Variants in NEB observed in about 807,000 individuals in gnomAD.
NEB encodes nemaline myopathy type 2.
A neutral mutation model predicts 952.2 loss-of-function variants in NEB; 512 were observed. The ratio of observed to expected loss-of-function variants is 0.54; its 90% CI spans 0.50 to 0.58. The LOEUF (loss-of-function observed/expected upper bound fraction) is 0.58, where lower values mean the gene tolerates loss of function less well. Among genes scored for constraint, NEB ranks in the 20% least tolerant of loss-of-function variants. The pLI is 0.00. For missense variants in NEB, 8,428 were observed against 9,231.1 expected (o/e 0.91, Z 3.56); for synonymous variants, 2,900 against 3,149.8 (o/e 0.92, Z 2.66).
intron 77 of NEB, among the ~76,000 whole-genome samples, chr2:151,613,739 C>CT (rs1387040881): frequency 2.0e-5 from 3 of 152,114 alleles, no homozygotes; most frequent in Non-Finnish European, 4.4e-5. Context: ...GATCCAGGTG[C>CT]TTAAAAGTGT....
At chr2:151,696,880 G>T in intron 16 of NEB, 145 bp from the exon 17 acceptor site, 1 of 656,966 alleles carries the variant, frequency 1.5e-6, no homozygotes, top group Non-Finnish European at 2.6e-6. Flanking sequence ...CTAGACTGTA[G>T]TTTGAGAGGT....
In NEB at chr2:151,519,001, C is replaced by G. The variant is rs1472193817; in HGVS notation, c.22659G>C (p.Met7553Ile). 1 of 1,613,654 alleles carries G rather than the reference C, an allele frequency of 6.2e-7. No individual in the cohort carries two copies. The highest frequency in any genetic ancestry group is 1.7e-5 in the Admixed American group (1 of 59,992). Residue 7553 changes from methionine to isoleucine, a missense_variant, in exon 155 of 182, where the codon ATG (methionine) becomes ATC (isoleucine). This residue lies in a region of NEB where 3,374 missense variants were observed against 3,651.5 expected (regional missense o/e 0.92). Coordinates refer to ENST00000397345, the MANE Select transcript of NEB (RefSeq NM_001164508.2). ...PVTDMKESLI[M>I]NHVLNTSQLA... Reference sequence around the variant, plus strand: ...GTTGGCTTGTATTCAGGACATGATTCATGATCAGAGACTCCTTCATGTCAG... The same window carrying G: ...GTTGGCTTGTATTCAGGACATGATTGATGATCAGAGACTCCTTCATGTCAG...
chr2:151,680,122 G>T, intron 30 of NEB, 100 bp from the exon 31 acceptor site: 2 of 879,056 alleles, frequency 2.3e-6, no homozygotes, highest in Non-Finnish European at 1.8e-6. Flanking sequence ...CACAGAGGTG[G>T]TTTTAGGAAG....
At position 151,633,792 on chromosome 2, in the gene NEB, C is replaced by T. The variant is rs2098711087; in HGVS notation, c.9276G>A (p.Met3092Ile). ...ACTTCTTGGCCAGCACCACCCCCAG[C>T]ATGTCCACTGGGCTGCTGAACTTGG... ...WKTKFSSPVD[M>I]LGVVLAKKCQ... Residue 3092 changes from methionine to isoleucine, a missense_variant, in exon 65 of 182, where the codon ATG becomes ATA. Met to Ile is a conservative substitution (Grantham distance 10). Transcript: ENST00000397345. 1 of 1,613,954 alleles carries T rather than the reference C, an allele frequency of 6.2e-7. No homozygotes were observed. The highest frequency in any genetic ancestry group is 1.3e-5 in the African/African-American group (1 of 75,042).
chr2:151,503,557 A>G, intron 165 of NEB, 116 bp from the exon 166 acceptor site: 1 of 655,038 alleles, frequency 1.5e-6, no homozygotes, highest in South Asian at 1.9e-5. Flanking sequence ...TCTCAAATAT[A>G]ACATTCAAGG....
intron 13 of NEB, among the ~76,000 whole-genome samples, chr2:151,704,689 A>G (rs944796908): frequency 5.3e-5 from 8 of 152,146 alleles, no homozygotes; most frequent in African/African-American, 1.9e-4. Flanking sequence ...GCGCTTCCCA[A>G]GTGAGGCAAT....
In NEB at chr2:151,562,213, T is replaced by C. The variant is rs781054657; in HGVS notation, c.18893A>G (p.Asn6298Ser). The C allele has an allele frequency of 6.2e-7, 1 of 1,604,838 alleles. No individual in the cohort carries two copies. The highest frequency in any genetic ancestry group is 8.5e-7 in the Non-Finnish European group (1 of 1,171,664). Residue 6298 changes from asparagine (N) to serine (S), a missense_variant and splice_region_variant, in exon 121 of 182, where the codon AAT becomes AGT. By Grantham distance (46) the Asn-to-Ser change is conservative. Around this residue, in one of 11 missense-constraint regions of NEB, gnomAD observed 3,374 missense variants for 3,651.5 expected, o/e 0.92. Coordinates refer to ENST00000397345, the MANE Select transcript of NEB (RefSeq NM_001164508.2). ...CCAATTCAGGTCATCTTTATACACA[T>C]TCTGCAAGAAAGAGAGAACAATGAA... is the stretch of plus-strand genomic sequence containing the variant. Reference protein sequence around the residue: ...VRNAQEILSDNVYKDDLNWLK... With the variant: ...VRNAQEILSDSVYKDDLNWLK...
intron 105 of NEB, among the ~76,000 whole-genome samples, chr2:151,577,375 A>T (rs1237963224): frequency 6.6e-6 from 1 of 152,100 alleles, no homozygotes; most frequent in East Asian, 1.9e-4. Flanking sequence ...CATGTTGGTC[A>T]CCCTGAAGGA....
chr2:151,508,775 A>T (rs989470685), intron 161 of NEB, among the ~76,000 whole-genome samples: 1 of 152,232 alleles, frequency 6.6e-6, no homozygotes, highest in East Asian at 1.9e-4. Context: ...TGAACCAGAC[A>T]TCACTATTCC....
In NEB at chr2:151,525,189, T is replaced by C. The variant is rs1348533751; in HGVS notation, c.22246A>G (p.Met7416Val). Residue 7416 changes from methionine (M) to valine (V), a missense_variant, in exon 151 of 182, where the codon ATG becomes GTG. Met to Val is a conservative substitution (Grantham distance 21, BLOSUM62 1). Coordinates refer to ENST00000397345, the MANE Select transcript of NEB (RefSeq NM_001164508.2). Reference protein sequence around the residue: ...MLEPPEVKHAMEVAKKQSDVA... With the variant: ...MLEPPEVKHAVEVAKKQSDVA... ...TCACTTTGCTTCTTGGCCACTTCCATAGCATGTTTCACCTCTGGTGGCTCC... is the reference window on the plus strand; with the variant it reads ...TCACTTTGCTTCTTGGCCACTTCCACAGCATGTTTCACCTCTGGTGGCTCC... 6.2e-7 allele frequency: 1 copy of C among 1,613,900 alleles called. No homozygotes were observed.
At chr2:151,682,584 A>T in intron 29 of NEB, 78 bp downstream of exon 29, 1 of 1,160,332 alleles carries the variant, frequency 8.6e-7, no homozygotes, top group South Asian at 1.4e-5. Context: ...GAAGCAATGA[A>T]GGAGCACTGC....
rs749876066 is a variant in NEB at position 151,694,635 on chromosome 2, CAA to C, written c.1675-8_1675-7del. On this transcript the variant is annotated splice_region_variant and splice_polypyrimidine_tract_variant and intron_variant, in intron 18 of 181. Transcript: ENST00000397345. The stretch of plus-strand genomic sequence containing the variant: ...CAGTCTTGCTTATAAAGATTCTGGA[CAA>C]AAAAATTCAGCAAAGGAATTGGCAA... 18 of 1,568,022 alleles carry C rather than the reference CAA, an allele frequency of 1.1e-5. No individual in the cohort carries two copies. The Admixed American group carries it at 3.0e-4, about 27-fold the overall frequency.
chr2:151,697,521 A>G, intron 14 of NEB, 23 bp downstream of exon 14: 5 of 1,608,212 alleles, frequency 3.1e-6, no homozygotes, highest in Non-Finnish European at 4.3e-6. Flanking sequence ...TTTAACAGAA[A>G]GAGTGACAGT....
At chr2:151,546,092 T>C (rs2094641804) in intron 134 of NEB, 94 bp from the exon 135 acceptor site, 1 of 888,638 alleles carries the variant, frequency 1.1e-6, no homozygotes, top group South Asian at 1.6e-5. Context: ...ATGTGTAAGC[T>C]GAGCAGGGCT....
At chr2:151,636,023 A>G (rs2098756185) in intron 64 of NEB, among the ~76,000 whole-genome samples, 1 of 152,216 alleles carries the variant, frequency 6.6e-6, no homozygotes, top group Non-Finnish European at 1.5e-5. Context: ...GTTTTCACAG[A>G]AGACGCTGTG....
chr2:151,692,189 T>C, intron 21 of NEB, 23 bp from the exon 22 acceptor site: 1 of 1,610,180 alleles, frequency 6.2e-7, no homozygotes, highest in Non-Finnish European at 8.5e-7. Flanking sequence ...ACAAATGTAA[T>C]TCAAGTTAAC....
chr2:151,655,587 T>C (rs1302476484), intron 50 of NEB, among the ~76,000 whole-genome samples: 1 of 151,982 alleles, frequency 6.6e-6, no homozygotes, highest in Non-Finnish European at 1.5e-5. Context: ...GGACTGAAAG[T>C]ATTGAAGATA....
At chr2:151,713,512 C>A (rs1488477137) in intron 10 of NEB, among the ~76,000 whole-genome samples, 1 of 152,074 alleles carries the variant, frequency 6.6e-6, no homozygotes, top group Non-Finnish European at 1.5e-5. Flanking sequence ...TGCTGTGTAA[C>A]AATATGTCAC....
intron 28 of NEB, among the ~76,000 whole-genome samples, chr2:151,684,157 A>G (rs2148811530): frequency 6.6e-6 from 1 of 152,304 alleles, no homozygotes; most frequent in Non-Finnish European, 1.5e-5. Context: ...CAATGTTAAT[A>G]TACTTAACAC....
Sources: gnomAD v4.1 joint callset for allele counts (sites outside exome capture counted in the v4.1 genomes callset) on GRCh38, gnomAD v4.1.1 for gene constraint, gnomAD v4.1.1 regional missense constraint, MANE v1.5 for transcripts, NCBI Gene and HGNC (gene_info 2026-07-23, HGNC 2026-07-21) for gene names.